Variants in ARIH1 observed in about 807,000 individuals in gnomAD.
The protein encoded by ARIH1 is ariadne RBR E3 ubiquitin protein ligase 1.
In ARIH1, 8 loss-of-function variants were observed where a neutral mutation model predicts 85.0. The observed-to-expected ratio is 0.09, with a 90% CI of 0.06 to 0.17. The LOEUF (loss-of-function observed/expected upper bound fraction) is 0.17, where lower values mean the gene tolerates loss of function less well. ARIH1 is among the 10% of genes least tolerant of loss of function. The probability of loss-of-function intolerance (pLI) is 1.00; values close to 1 mark genes in which losing one functional copy is unlikely to be tolerated. For synonymous variants in ARIH1, 238 were observed against 253.6 expected (o/e 0.94, Z 0.59); for missense variants, 311 against 718.1 (o/e 0.43, Z 6.48).
At chr15:72,478,894 A>T (rs1439739129) in intron 1 of ARIH1, among the ~76,000 whole-genome samples, 1 of 152,134 alleles carries the variant, frequency 6.6e-6, no homozygotes, top group Non-Finnish European at 1.5e-5. Context: ...CTGAAGTGCA[A>T]TGGCAAGATC....
chr15:72,480,009 A>G (rs900447864), intron 1 of ARIH1, among the ~76,000 whole-genome samples: 4 of 151,994 alleles, frequency 2.6e-5, no homozygotes, highest in Non-Finnish European at 5.9e-5. Context: ...CTGGGACTAC[A>G]GGCAGCCGCT....
chr15:72,559,002 A>G (rs977570147), intron 5 of ARIH1, among the ~76,000 whole-genome samples: 9 of 152,220 alleles, frequency 5.9e-5, no homozygotes, highest in Admixed American at 2.0e-4. Flanking sequence ...AATCTGTAAT[A>G]TAAAACTCAT....
chr15:72,481,187 A>G (rs1007197427), intron 1 of ARIH1, among the ~76,000 whole-genome samples: 1 of 152,170 alleles, frequency 6.6e-6, no homozygotes, highest in Non-Finnish European at 1.5e-5. Context: ...TGTAAGTTTA[A>G]ATTACACTGA....
chr15:72,518,372 T>TTG (rs1555486441), intron 2 of ARIH1, among the ~76,000 whole-genome samples: 1 of 152,086 alleles, frequency 6.6e-6, no homozygotes, highest in Admixed American at 6.6e-5. Context: ...TGTTTGGGGG[T>TTG]GTGCTTCAGT....
intron 1 of ARIH1, among the ~76,000 whole-genome samples, chr15:72,480,263 A>ATT (rs762120667): frequency 8.1e-5 from 11 of 136,206 alleles, no homozygotes; most frequent in African/African-American, 1.6e-4. Context: ...GAACCTTCAA[A>ATT]TTTTTTTTTT....
intron 11 of ARIH1, among the ~76,000 whole-genome samples, chr15:72,577,130 G>A (rs983021917): frequency 4.0e-5 from 6 of 151,676 alleles, no homozygotes; most frequent in Admixed American, 3.3e-4. Context: ...TTACAGACAT[G>A]CGCCACCATG....
chr15:72,497,716 A>C (rs748904047), intron 1 of ARIH1, among the ~76,000 whole-genome samples: 1 of 152,152 alleles, frequency 6.6e-6, no homozygotes, highest in Non-Finnish European at 1.5e-5. Flanking sequence ...AGAAGAGGCT[A>C]TGTTTTCCTA....
In ARIH1 at chr15:72,582,110, G is replaced by A. The variant is rs772247796; in HGVS notation, c.1512G>A (p.Val504=). The A allele has an allele frequency of 2.4e-5, 38 of 1,613,286 alleles. No homozygotes were observed. The highest frequency in any genetic ancestry group is 1.7e-5 in the Non-Finnish European group (20 of 1,179,514). The change falls in exon 13 of 14, where the codon GTG becomes GTA. Residue 504 remains valine, a synonymous_variant. Transcript: ENST00000379887. This position sits in a 1 kb window ranked among gnomAD's most constrained non-coding sequence, Gnocchi z 4.6. ...CAGATCTAGAGAATGCCACAGAGGT[G>A]CTCTCGGGCTACCTTGAACGAGATA... ...NQADLENATE[V]LSGYLERDIS...
intron 1 of ARIH1, among the ~76,000 whole-genome samples, chr15:72,481,176 C>G (rs1567335444): frequency 6.6e-6 from 1 of 152,148 alleles, no homozygotes; most frequent in Admixed American, 6.5e-5. Flanking sequence ...TCTCCTTGAG[C>G]TGTAAGTTTA....
At chr15:72,535,810 A>C (rs771562705) in intron 2 of ARIH1, among the ~76,000 whole-genome samples, 1 of 151,950 alleles carries the variant, frequency 6.6e-6, no homozygotes, top group Non-Finnish European at 1.5e-5. Flanking sequence ...AGAGGTGGAC[A>C]AAAAAAGCCA....
intron 3 of ARIH1, among the ~76,000 whole-genome samples, chr15:72,546,950 C>T (rs2064132179): frequency 6.8e-6 from 1 of 147,160 alleles, no homozygotes; most frequent in Admixed American, 6.7e-5. Flanking sequence ...GGGGGTGGGA[C>T]GGAGTCTTGC....
At chr15:72,551,255 G>C (rs2140427326) in intron 3 of ARIH1, among the ~76,000 whole-genome samples, 1 of 152,278 alleles carries the variant, frequency 6.6e-6, no homozygotes, top group Non-Finnish European at 1.5e-5. Flanking sequence ...TAAGATAAAA[G>C]AATGACTTGA....
intron 3 of ARIH1, among the ~76,000 whole-genome samples, chr15:72,553,070 C>T (rs750158872): frequency 7.2e-5 from 11 of 152,152 alleles, no homozygotes; most frequent in South Asian, 2.1e-4. Flanking sequence ...CCACCGCACC[C>T]GGCCTAGGGA....
intron 11 of ARIH1, among the ~76,000 whole-genome samples, chr15:72,580,201 G>T (rs1406842249): frequency 7.2e-5 from 11 of 152,038 alleles, no homozygotes; most frequent in Non-Finnish European, 5.9e-5. Context: ...TCTTTTCTGT[G>T]CCTGGCTTAT....
intron 2 of ARIH1, among the ~76,000 whole-genome samples, chr15:72,524,840 AT>A (rs2064019908): frequency 6.6e-6 from 1 of 152,180 alleles, no homozygotes; most frequent in South Asian, 2.1e-4. Context: ...TAGCTGTTGA[AT>A]TTATAAATAA....
rs117541029 is a variant in ARIH1 at position 72,539,394 on chromosome 15, G to A, written c.444-5426G>A. Among the ~76,000 whole-genome samples the A allele has an allele frequency of 3.4e-4, 51 of 152,158 alleles. No homozygotes were observed. The East Asian group carries it at 9.1e-3, about 27-fold the overall frequency. ...AAATTAAACATAAGACTCTTGAGAT[G>A]AGGGATCAGAGGTAAACTGATAAAA... On this transcript the variant is annotated intron_variant, in intron 2 of 13. Transcript: ENST00000379887.
intron 2 of ARIH1, among the ~76,000 whole-genome samples, chr15:72,537,035 G>A (rs2140420229): frequency 6.6e-6 from 1 of 152,046 alleles, no homozygotes; most frequent in African/African-American, 2.4e-5. Context: ...TTAGAGATTA[G>A]CTTAAGAAAC....
rs548079952 is a variant in ARIH1 at position 72,550,978 on chromosome 15, T to C, written c.589-4293T>C. Among the ~76,000 whole-genome samples, 5 of 152,288 alleles carry C rather than the reference T, an allele frequency of 3.3e-5. No individual in the cohort carries two copies. In the South Asian group the frequency reaches 1.0e-3, roughly 32 times the overall value. ...CGAGCCACTGTACCCAGCCCTCTCATAGATTTCTTTTCATGTCCTTGTCTT... is the reference window on the plus strand; with the variant it reads ...CGAGCCACTGTACCCAGCCCTCTCACAGATTTCTTTTCATGTCCTTGTCTT... On this transcript the variant is annotated intron_variant, in intron 3 of 13. Transcript: ENST00000379887.
chr15:72,507,646 C>T (rs1385153447), intron 1 of ARIH1, among the ~76,000 whole-genome samples: 2 of 151,946 alleles, frequency 1.3e-5, no homozygotes, highest in African/African-American at 4.8e-5. Flanking sequence ...CCAGCCTGGG[C>T]AACATAGCAA....
Sources: gnomAD v4.1 joint callset for allele counts (sites outside exome capture counted in the v4.1 genomes callset) on GRCh38, gnomAD v4.1.1 for gene constraint, Gnocchi (gnomAD v3.1) non-coding constraint, MANE v1.5 for transcripts, NCBI Gene and HGNC (gene_info 2026-07-23, HGNC 2026-07-21) for gene names.